The following MAT2B variants were observed in gnomAD, a reference collection of about 807,000 sequenced individuals.
MAT2B encodes the protein methionine adenosyltransferase 2 subunit beta.
MAT2B carries 16 observed loss-of-function variants against 36.1 expected under a neutral mutation model. The ratio of observed to expected loss-of-function variants is 0.44; its 90% CI spans 0.30 to 0.67. MAT2B has a LOEUF of 0.67. Ranked by LOEUF, MAT2B falls within the 30% of genes least tolerant of loss-of-function variation. The probability of loss-of-function intolerance (pLI) is 0.09; values close to 1 mark genes in which losing one functional copy is unlikely to be tolerated. For synonymous variants in MAT2B, 148 were observed against 136.9 expected (o/e 1.08, Z -0.57); for missense variants, 332 against 398.2 (o/e 0.83, Z 1.42).
chr5:163,518,010 T>C, intron 6 of MAT2B, 183 bp from the exon 7 acceptor site: 2 of 526,962 alleles, frequency 3.8e-6, no homozygotes, highest in East Asian at 3.0e-5. Flanking sequence ...CCCAACACTT[T>C]GGGAGGCTGA....
intron 1 of MAT2B, among the ~76,000 whole-genome samples, chr5:163,506,343 A>G (rs1037618236): frequency 2.0e-5 from 3 of 152,184 alleles, no homozygotes; most frequent in African/African-American, 7.2e-5. Context: ...CCTGGAATTC[A>G]GATACAGGTT....
intron 5 of MAT2B, chr5:163,517,209 T>C (rs1352883827): frequency 5.2e-6 from 1 of 193,856 alleles, no homozygotes; most frequent in Admixed American, 5.4e-5. Context: ...ACTTGAAAAA[T>C]GGTTCTATTA....
upstream of MAT2B, among the ~76,000 whole-genome samples, chr5:163,503,693 G>C (rs1241206999): frequency 6.6e-6 from 1 of 152,198 alleles, no homozygotes; most frequent in Non-Finnish European, 1.5e-5. Context: ...ATGCAATTAT[G>C]TATATAAAGT....
chr5:163,504,195 G>T (rs2113545903), upstream of MAT2B, among the ~76,000 whole-genome samples: 1 of 152,268 alleles, frequency 6.6e-6, no homozygotes. Context: ...GTAGTAAGAT[G>T]ATCTTGGCTG....
chr5:163,515,993 C>G (rs1307729501), intron 4 of MAT2B, among the ~76,000 whole-genome samples: 1 of 151,846 alleles, frequency 6.6e-6, no homozygotes, highest in Non-Finnish European at 1.5e-5. Flanking sequence ...CCTTGGACTC[C>G]CAAGTGCTGG....
At chr5:163,503,731 A>C (rs892297414), upstream of MAT2B, among the ~76,000 whole-genome samples, 6 of 152,230 alleles carry the variant, frequency 3.9e-5, no homozygotes, top group Non-Finnish European at 8.8e-5. Flanking sequence ...TTTTATCTGT[A>C]GTGTGTTCCT....
At chr5:163,511,439 CTTTTTTTT>C (rs60009583) in intron 1 of MAT2B, among the ~76,000 whole-genome samples, 13 of 69,534 alleles carry the variant, frequency 1.9e-4, no homozygotes, top group South Asian at 6.4e-4. Flanking sequence ...CTAATTTTTG[CTTTTTTTT>C]TTTTTTTTTT....
chr5:163,514,762 C>G (rs930449129), intron 4 of MAT2B, among the ~76,000 whole-genome samples: 1 of 152,082 alleles, frequency 6.6e-6, no homozygotes, highest in Non-Finnish European at 1.5e-5. Context: ...TGAGAAGCAG[C>G]CCTAGTGTAG....
chr5:163,510,958 T>C (rs1417048267), intron 1 of MAT2B, among the ~76,000 whole-genome samples: 1 of 152,210 alleles, frequency 6.6e-6, no homozygotes, highest in East Asian at 1.9e-4. Flanking sequence ...ACGCAAATAC[T>C]AATCAGGCCT....
rs370778509 is a variant in MAT2B at position 163,516,007 on chromosome 5, TAC to T, written c.527-509_527-508del. ...GCCTTGGACTCCCAAGTGCTGGAAT[TAC>T]AGTCATGAGCCCCACCGCACTCAGC... is the stretch of plus-strand genomic sequence containing the variant. On this transcript the variant is annotated intron_variant, in intron 4 of 6. Coordinates refer to ENST00000321757, the MANE Select transcript of MAT2B (RefSeq NM_013283.5). 1.4e-3 allele frequency among the ~76,000 whole-genome samples: 207 copies of T among 152,128 alleles called. 1 individual carries two copies. The highest frequency in any genetic ancestry group is 4.8e-3 in the African/African-American group (199 of 41,510).
rs1259455996 is a variant in MAT2B, at chr5:163,519,013, TATAA to T, written c.*654_*657del. On this transcript the variant is annotated 3_prime_UTR_variant, in exon 7 of 7. Coordinates refer to ENST00000321757, the MANE Select transcript of MAT2B (RefSeq NM_013283.5). ...TGAATGCAAACGTGTATTTTTTTAA[TATAA>T]ATATATAACTGTCCTTTTCATCCCA... 3 of 152,532 alleles carry T rather than the reference TATAA, an allele frequency of 2.0e-5. No homozygotes were observed. The highest frequency in any genetic ancestry group is 4.4e-5 in the Non-Finnish European group (3 of 68,028). 9.4% of individuals were successfully genotyped at this position (152,532 alleles called of 1,614,324 possible).
At chr5:163,510,783 G>A (rs915305170) in intron 1 of MAT2B, among the ~76,000 whole-genome samples, 1 of 152,158 alleles carries the variant, frequency 6.6e-6, no homozygotes, top group Non-Finnish European at 1.5e-5. Context: ...TTTAAGTGTT[G>A]TAAGGACCAA....
chr5:163,518,152 TC>T (rs1195775680), intron 6 of MAT2B, 40 bp from the exon 7 acceptor site: 3 of 1,476,094 alleles, frequency 2.0e-6, no homozygotes, highest in African/African-American at 2.8e-5. Flanking sequence ...ATATAGCCTT[TC>T]ACTTACTTTT....
Position 163,512,114 on chromosome 5 carries a change from G to A in MAT2B, c.176G>A (p.Gly59Asp). ...AATAATTGGCATGCAGTTGGCTGTG[G>A]TTTCAGAAGAGCAAGACCAAAATTT... is the stretch of plus-strand genomic sequence containing the variant. ...QQNNWHAVGCGFRRARPKFEQ... is the reference protein window; with the variant it reads ...QQNNWHAVGCDFRRARPKFEQ... The change falls in exon 2 of 7, where the codon GGT (glycine) becomes GAT (aspartate). Residue 59 changes from glycine (G) to aspartate (D), a missense_variant. By Grantham distance (94) the Gly-to-Asp change is moderately conservative. Transcript: ENST00000321757. 1.9e-6 allele frequency: 3 copies of A among 1,614,154 alleles called. No individual in the cohort carries two copies. Among genetic ancestry groups the A allele is most frequent in the Non-Finnish European group, 2.5e-6 (3 of 1,180,012 alleles).
At chr5:163,504,138 G>A (rs1303447927), upstream of MAT2B, among the ~76,000 whole-genome samples, 1 of 152,150 alleles carries the variant, frequency 6.6e-6, no homozygotes, top group Non-Finnish European at 1.5e-5. Context: ...ATTACATCAC[G>A]TGTTGCGACT....
chr5:163,516,470 A>AT, intron 4 of MAT2B, 48 bp from the exon 5 acceptor site: 2 of 1,513,708 alleles, frequency 1.3e-6, no homozygotes, highest in South Asian at 2.3e-5. Context: ...TTACATCAAA[A>AT]TTTAAGAATC....
At chr5:163,505,085 TTC>T (rs941716717), upstream of MAT2B, among the ~76,000 whole-genome samples, 4 of 152,196 alleles carry the variant, frequency 2.6e-5, no homozygotes, top group Non-Finnish European at 5.9e-5. Flanking sequence ...CACAGGTTTT[TTC>T]TTTTTTTAAG....
chr5:163,503,535 G>A, upstream of MAT2B: 1 of 1,007,012 alleles, frequency 9.9e-7, no homozygotes, highest in Non-Finnish European at 1.6e-6. Context: ...AAATAGAAAC[G>A]GGTGTCATTC....
chr5:163,505,483 C>G, upstream of MAT2B: 5 of 1,225,570 alleles, frequency 4.1e-6, no homozygotes, highest in Non-Finnish European at 5.1e-6. Flanking sequence ...TGGGGGCAGA[C>G]CGCGCGTACC....
Sources: gnomAD v4.1 joint callset for allele counts (sites outside exome capture counted in the v4.1 genomes callset) on GRCh38, gnomAD v4.1.1 for gene constraint, MANE v1.5 for transcripts, NCBI Gene and HGNC (gene_info 2026-07-23, HGNC 2026-07-21) for gene names.